The following MOG variants were observed in gnomAD, a reference collection of about 807,000 sequenced individuals.
MOG encodes myelin-oligodendrocyte glycoprotein.
Under a neutral mutation model 35.9 loss-of-function variants are expected in MOG, and 20 were observed. That is an observed-to-expected ratio of 0.56 (90% CI 0.39 to 0.81). The LOEUF is 0.81. MOG is among the 30% of genes least tolerant of loss of function. The pLI is 0.00. For synonymous variants in MOG, 92 were observed against 114.3 expected (o/e 0.80, Z 1.25); for missense variants, 251 against 301.0 (o/e 0.83, Z 1.23).
intron 5 of MOG, among the ~76,000 whole-genome samples, chr6:29,668,765 C>T (rs1770765351): frequency 6.6e-6 from 1 of 152,108 alleles, no homozygotes. Flanking sequence ...CCTTTTTGTA[C>T]CATGAATCTC....
chr6:29,670,280 G>T lies in MOG; in HGVS notation c.593-1G>T. 7 of 1,614,166 alleles carry T rather than the reference G, an allele frequency of 4.3e-6. No individual in the cohort carries two copies. The highest frequency in any genetic ancestry group is 5.9e-6 in the Non-Finnish European group (7 of 1,180,034). On this transcript the variant is annotated splice_acceptor_variant, in intron 5 of 7. Transcript: ENST00000376917. LOFTEE classifies it high-confidence loss of function. The surrounding 1 kb of genome is among the most constrained non-coding windows in gnomAD (Gnocchi z 4.2). ...CCTGTTTGTTCTGGTGAACAATTCAGATCCCCACTTTCTGAGGGTGCCCTG... is the reference window on the plus strand; with the variant it reads ...CCTGTTTGTTCTGGTGAACAATTCATATCCCCACTTTCTGAGGGTGCCCTG...
Position 29,671,252 on chromosome 6 carries a change from C to G in MOG, c.*67C>G. On this transcript the variant is annotated 3_prime_UTR_variant, in exon 8 of 8. Coordinates refer to ENST00000376917, the MANE Select transcript of MOG (RefSeq NM_206809.4). The stretch of plus-strand genomic sequence containing the variant: ...CCCAGGGATTTGTCCTTGGGGACAT[C>G]TCATCCATCAAGTTGCACACTCACT... The G allele has an allele frequency of 6.2e-7, 1 of 1,612,278 alleles. No homozygotes were observed. The highest frequency in any genetic ancestry group is 1.1e-5 in the South Asian group (1 of 91,040).
At chr6:29,666,496 T>C (rs1562199282) in intron 3 of MOG, among the ~76,000 whole-genome samples, 2 of 152,204 alleles carry the variant, frequency 1.3e-5, no homozygotes, top group African/African-American at 4.8e-5. Flanking sequence ...CTATGCCATA[T>C]AGTAACCCCA....
In MOG at chr6:29,667,980, C is replaced by G. The variant is rs998320184; in HGVS notation, c.592+56C>G. On this transcript the variant is annotated intron_variant, in intron 5 of 7. Coordinates refer to ENST00000376917, the MANE Select transcript of MOG (RefSeq NM_206809.4). Reference sequence around the variant, plus strand: ...GTCAACTTGGTATTTCACTCTAGTTCCAGTCACCTGGGGGAACAAGGACCC... The same window carrying G: ...GTCAACTTGGTATTTCACTCTAGTTGCAGTCACCTGGGGGAACAAGGACCC... 3 of 1,570,228 alleles carry G rather than the reference C, an allele frequency of 1.9e-6. No homozygotes were observed. The African/African-American group carries it at 4.0e-5, about 21-fold the overall frequency.
chr6:29,661,392 T>TG, intron 2 of MOG: 1 of 985,394 alleles, frequency 1.0e-6, no homozygotes, highest in Non-Finnish European at 1.2e-6. Context: ...CTGTTTTTAT[T>TG]GGGGAAATTC....
rs1771466758 is a variant in MOG, at chr6:29,671,593, C to T, written c.*408C>T. 2.7e-6 allele frequency: 2 copies of T among 730,464 alleles called. No individual in the cohort carries two copies. Among genetic ancestry groups the T allele is most frequent in the Non-Finnish European group, 2.5e-6 (1 of 406,104 alleles). The allele number at this position is 730,464 out of a possible 1,614,324, so 45.2% of individuals were successfully genotyped here. On this transcript the variant is annotated 3_prime_UTR_variant, in exon 8 of 8. Transcript: ENST00000376917. Reference sequence around the variant, plus strand: ...ACTTTGCAAATGGTGGTTGTTTCTTCCAAGACTCCAGCCCTGATTGCGCAA... The same window carrying T: ...ACTTTGCAAATGGTGGTTGTTTCTTTCAAGACTCCAGCCCTGATTGCGCAA...
Position 29,670,102 on chromosome 6 carries a change from T to G in MOG, c.593-179T>G, listed in dbSNP as rs1771128068. 3 of 1,051,696 alleles carry G rather than the reference T, an allele frequency of 2.9e-6. No homozygotes were observed. The highest frequency in any genetic ancestry group is 4.4e-6 in the Non-Finnish European group (3 of 674,780). 65.1% of individuals were successfully genotyped at this position (1,051,696 alleles called of 1,614,324 possible). A position where few individuals can be genotyped will look rare whatever the true frequency, so the allele number is the denominator to read the frequency against. On this transcript the variant is annotated intron_variant, in intron 5 of 7. Coordinates refer to ENST00000376917, the MANE Select transcript of MOG (RefSeq NM_206809.4). This position sits in a 1 kb window ranked among gnomAD's most constrained non-coding sequence, Gnocchi z 4.2. Reference sequence around the variant, plus strand: ...ATTTTTAATGAAAGAAAATGTTAAATCCAGTTATTGAAAATAAGGAGGCAG... The same window carrying G: ...ATTTTTAATGAAAGAAAATGTTAAAGCCAGTTATTGAAAATAAGGAGGCAG...
chr6:29,661,219 C>A, intron 2 of MOG: 1 of 265,650 alleles, frequency 3.8e-6, no homozygotes, highest in Non-Finnish European at 5.8e-6. Context: ...GCAGTGCAAA[C>A]ATCAGACAAT....
chr6:29,660,045 C>A (rs1250789435), intron 2 of MOG: 1 of 305,684 alleles, frequency 3.3e-6, no homozygotes, highest in Admixed American at 4.7e-5. Flanking sequence ...AAAAACAAAA[C>A]CCTAGGGCAT....
chr6:29,659,907 A>G, intron 2 of MOG: 1 of 600,676 alleles, frequency 1.7e-6, no homozygotes, highest in Non-Finnish European at 2.9e-6. Context: ...AGAATGAACA[A>G]TGGTAGCCAT....
chr6:29,660,307 G>C (rs1045414529), intron 2 of MOG, among the ~76,000 whole-genome samples: 5 of 138,306 alleles, frequency 3.6e-5, no homozygotes, highest in Non-Finnish European at 8.0e-5. Context: ...AGATCACAAG[G>C]TCAGGAGATC....
intron 3 of MOG, 41 bp downstream of exon 3, chr6:29,666,306 A>C: frequency 8.2e-7 from 1 of 1,220,936 alleles, no homozygotes; most frequent in Non-Finnish European, 1.2e-6. Context: ...CCTTTCTTTA[A>C]ATGAGCTGGC....
intron 3 of MOG, 104 bp from the exon 4 acceptor site, chr6:29,667,539 G>A: frequency 8.7e-7 from 1 of 1,153,732 alleles, no homozygotes; most frequent in Non-Finnish European, 1.3e-6. Flanking sequence ...TTTCCAGGCT[G>A]CAGAGAAATA....
Position 29,670,646 on chromosome 6 carries a change from G to T in MOG, c.710-55G>T. 6.2e-7 allele frequency: 1 copy of T among 1,604,796 alleles called. No individual in the cohort carries two copies. The highest frequency in any genetic ancestry group is 8.5e-7 in the Non-Finnish European group (1 of 1,175,698). On this transcript the variant is annotated intron_variant, in intron 6 of 7. Coordinates refer to ENST00000376917, the MANE Select transcript of MOG (RefSeq NM_206809.4). The surrounding 1 kb of genome is among the most constrained non-coding windows in gnomAD (Gnocchi z 4.2). ...TCCAAATGTCCATAGGGAGGATGTGGGGAAGGTGCTATTCATCTTCCACTA... is the reference window on the plus strand; with the variant it reads ...TCCAAATGTCCATAGGGAGGATGTGTGGAAGGTGCTATTCATCTTCCACTA...
chr6:29,664,789 TAGAGGCA>T, intron 2 of MOG: 1 of 337,930 alleles, frequency 3.0e-6, no homozygotes, highest in Non-Finnish European at 5.8e-6. Flanking sequence ...TTTTTTTTCG[TAGAGGCA>T]GGGTCTCACA....
intron 5 of MOG, among the ~76,000 whole-genome samples, chr6:29,668,977 G>A (rs1391702719): frequency 3.3e-5 from 5 of 151,276 alleles, no homozygotes; most frequent in Non-Finnish European, 5.9e-5. Context: ...ACCCAGGCTG[G>A]AGTGCAATGG....
At chr6:29,666,987 C>T (rs1770357241) in intron 3 of MOG, among the ~76,000 whole-genome samples, 1 of 152,166 alleles carries the variant, frequency 6.6e-6, no homozygotes, top group Admixed American at 6.6e-5. Flanking sequence ...CTTTCTCTCA[C>T]CTTGAATTCA....
Position 29,666,256 on chromosome 6 carries a change from A to G in MOG, c.541A>G (p.Arg181Gly), listed in dbSNP as rs370194546. ...CCTCATCTTCCTCTGCCTGCAGTAC[A>G]GACTGAGAGGTACAGGGCAGAGGGT... is the stretch of plus-strand genomic sequence containing the variant. ...VGLIFLCLQY[R>G]LRGKLRAEIE... The change falls in exon 3 of 8, where the codon AGA (arginine) becomes GGA (glycine). Residue 181 changes from arginine (R) to glycine (G), a missense_variant. By Grantham distance (125) the Arg-to-Gly change is moderately radical. Coordinates refer to ENST00000376917, the MANE Select transcript of MOG (RefSeq NM_206809.4). The G allele has an allele frequency of 1.8e-5, 28 of 1,598,256 alleles. No individual in the cohort carries two copies. The highest frequency in any genetic ancestry group is 2.4e-5 in the Non-Finnish European group (28 of 1,166,656).
chr6:29,671,645 AGAG>A lies in MOG; in HGVS notation c.*463_*465del, dbSNP rs372546597. The A allele has an allele frequency of 1.7e-3, 1,052 of 628,946 alleles. 9 individuals are homozygous for A. The highest frequency in any genetic ancestry group is 0.011 in the Middle Eastern group (30 of 2,754). 39.0% of individuals were successfully genotyped at this position (628,946 alleles called of 1,614,324 possible). A position where few individuals can be genotyped will look rare whatever the true frequency, so the allele number is the denominator to read the frequency against. ...ACTGAAAGGCATGTGAAGGGAAGGA[AGAG>A]GAAGAGTGCAAAACATTGAAGAGAG... On this transcript the variant is annotated 3_prime_UTR_variant, in exon 8 of 8. Coordinates refer to ENST00000376917, the MANE Select transcript of MOG (RefSeq NM_206809.4).
Sources: gnomAD v4.1 joint callset for allele counts (sites outside exome capture counted in the v4.1 genomes callset) on GRCh38, gnomAD v4.1.1 for gene constraint, Gnocchi (gnomAD v3.1) non-coding constraint, MANE v1.5 for transcripts, NCBI Gene and HGNC (gene_info 2026-07-23, HGNC 2026-07-21) for gene names.